The following PCDHAC1 variants were observed in gnomAD, a reference collection of about 807,000 sequenced individuals.
PCDHAC1 encodes the protein protocadherin alpha subfamily C, 1.
PCDHAC1 carries 42 observed loss-of-function variants against 60.0 expected under a neutral mutation model. The observed-to-expected ratio is 0.70, with a 90% CI of 0.55 to 0.90. PCDHAC1 has a LOEUF of 0.90. PCDHAC1 is among the 40% of genes least tolerant of loss of function. The pLI is 0.00. For missense variants in PCDHAC1, 1,160 were observed against 1,222.3 expected, an observed-to-expected ratio of 0.95 and a Z score of 0.76; for synonymous variants, 468 against 499.3, an observed-to-expected ratio of 0.94 and a Z score of 0.84.
intron 1 of PCDHAC1, chr5:140,968,356 C>T (rs1586289885): frequency 1.2e-6 from 2 of 1,614,062 alleles, no homozygotes; most frequent in Non-Finnish European, 1.7e-6. Context: ...CCAGTGGCAG[C>T]CTTTATGCTG....
chr5:140,941,191 T>TTTC (rs1487503403), intron 1 of PCDHAC1, among the ~76,000 whole-genome samples: 199 of 93,252 alleles, frequency 2.1e-3, no homozygotes, highest in Middle Eastern at 0.015. Flanking sequence ...GCTTCTTTTT[T>TTTC]TTTCTTTCTT....
At chr5:140,981,191 G>A (rs2096922052) in intron 2 of PCDHAC1, among the ~76,000 whole-genome samples, 2 of 152,178 alleles carry the variant, frequency 1.3e-5, no homozygotes, top group South Asian at 4.1e-4. Context: ...AAGTTTGCCT[G>A]CTCTGTTGCC....
At chr5:140,949,009 G>A (rs1563235030) in intron 1 of PCDHAC1, among the ~76,000 whole-genome samples, 1 of 151,574 alleles carries the variant, frequency 6.6e-6, no homozygotes, top group Non-Finnish European at 1.5e-5. Context: ...ATTTTTATAT[G>A]TGATGTTTTT....
At chr5:140,968,036 A>T in intron 1 of PCDHAC1, 1 of 1,614,160 alleles carries the variant, frequency 6.2e-7, no homozygotes, top group Non-Finnish European at 8.5e-7. Context: ...ACTGGTGGTG[A>T]GCGGCCCACT....
chr5:140,972,505 T>C (rs2096539361), intron 1 of PCDHAC1, among the ~76,000 whole-genome samples: 1 of 152,100 alleles, frequency 6.6e-6, no homozygotes, highest in African/African-American at 2.4e-5. Flanking sequence ...GTTGGTAGAT[T>C]TTACCCCCAG....
intron 1 of PCDHAC1, chr5:140,966,657 G>A: frequency 1.7e-6 from 2 of 1,210,192 alleles, no homozygotes; most frequent in Admixed American, 3.9e-5. Context: ...TGAGCGGTGG[G>A]GGAGCAGGCG....
intron 1 of PCDHAC1, among the ~76,000 whole-genome samples, chr5:140,934,475 A>G (rs1554209923): frequency 6.6e-6 from 1 of 152,172 alleles, no homozygotes; most frequent in African/African-American, 2.4e-5. Context: ...ATTATTTTGA[A>G]AATTATATTC....
chr5:140,927,910 C>A lies in PCDHAC1; in HGVS notation c.1018C>A (p.Leu340Met), dbSNP rs782484227. 2.5e-6 allele frequency: 4 copies of A among 1,614,216 alleles called. No homozygotes were observed. In the South Asian group the frequency reaches 3.3e-5, roughly 13 times the overall value. The change falls in exon 1 of 4, where the codon CTG becomes ATG. Residue 340 changes from leucine to methionine, a missense_variant. Around this residue, in one of 3 missense-constraint regions of PCDHAC1, gnomAD observed 1,113 missense variants for 1,163.7 expected, o/e 0.96. Transcript: ENST00000253807. ...VTDVNDHAPE[L>M]DFLTLSNPVP... ...TGACGTGAACGATCATGCCCCCGAACTGGACTTCCTGACTCTTTCGAACCC... is the reference window on the plus strand; with the variant it reads ...TGACGTGAACGATCATGCCCCCGAAATGGACTTCCTGACTCTTTCGAACCC...
chr5:140,966,816 G>A lies in PCDHAC1; in HGVS notation c.2434-12133G>A, dbSNP rs1448171487. On this transcript the variant is annotated intron_variant, in intron 1 of 3. Transcript: ENST00000253807. ...GCGGCGACAGAGCATCCACGGCTCC[G>A]GCGGCCCATGCCCTGGCTGCTGCTA... 5.2e-6 allele frequency: 8 copies of A among 1,553,302 alleles called. No homozygotes were observed. The East Asian group carries it at 7.2e-5, about 14-fold the overall frequency.
chr5:140,931,914 A>G (rs1374173998), intron 1 of PCDHAC1, among the ~76,000 whole-genome samples: 2 of 151,960 alleles, frequency 1.3e-5, no homozygotes, highest in Non-Finnish European at 2.9e-5. Context: ...AAAGCATGAC[A>G]TTTAACAATG....
At chr5:140,950,082 A>G (rs2094448240) in intron 1 of PCDHAC1, among the ~76,000 whole-genome samples, 1 of 151,916 alleles carries the variant, frequency 6.6e-6, no homozygotes, top group South Asian at 2.1e-4. Flanking sequence ...TGCTTATGCT[A>G]TAGTTTTCAT....
At position 140,943,090 on chromosome 5, in the gene PCDHAC1, C is replaced by A. The variant is rs554425182; in HGVS notation, c.2433+13765C>A. On this transcript the variant is annotated intron_variant, in intron 1 of 3. Coordinates refer to ENST00000253807, the MANE Select transcript of PCDHAC1 (RefSeq NM_018898.5). The stretch of plus-strand genomic sequence containing the variant: ...TGACCAACATGGTGAAATCCTGCCT[C>A]TACTAAAAAATACAAAAATTAGCCA... Among the ~76,000 whole-genome samples the A allele has an allele frequency of 1.8e-4, 27 of 151,656 alleles. No homozygotes were observed. The South Asian group carries it at 2.5e-3, about 14-fold the overall frequency.
At chr5:140,989,598 T>C (rs369591964) in intron 3 of PCDHAC1, among the ~76,000 whole-genome samples, 431 of 152,260 alleles carry the variant, frequency 2.8e-3, no homozygotes, top group Middle Eastern at 6.8e-3. Flanking sequence ...CTGACACAAG[T>C]AAACTAAAAA....
intron 1 of PCDHAC1, chr5:140,968,908 A>G: frequency 6.2e-7 from 1 of 1,614,182 alleles, no homozygotes; most frequent in Non-Finnish European, 8.5e-7. Context: ...CATTAAGCAC[A>G]GTGTCTTTTA....
Position 140,961,691 on chromosome 5 carries a change from T to A in PCDHAC1, c.2434-17258T>A, listed in dbSNP as rs963909259. On this transcript the variant is annotated intron_variant, in intron 1 of 3. Transcript: ENST00000253807. Reference sequence around the variant, plus strand: ...GTTTTTAATTAAGCCGGAGTAGTCCTTAGTATGAATGCCTTCATTTCTAAG... The same window carrying A: ...GTTTTTAATTAAGCCGGAGTAGTCCATAGTATGAATGCCTTCATTTCTAAG... Among the ~76,000 whole-genome samples the A allele has an allele frequency of 2.0e-5, 3 of 152,340 alleles. No individual in the cohort carries two copies. In the East Asian group the frequency reaches 5.8e-4, roughly 29 times the overall value.
In PCDHAC1 at chr5:140,927,920, T is replaced by C. The variant is rs782193396; in HGVS notation, c.1028T>C (p.Leu343Pro). ...VNDHAPELDF[L>P]TLSNPVPEDA... is the part of the protein sequence containing the mutation. Reference sequence around the variant, plus strand: ...GATCATGCCCCCGAACTGGACTTCCTGACTCTTTCGAACCCAGTACCTGAG... The same window carrying C: ...GATCATGCCCCCGAACTGGACTTCCCGACTCTTTCGAACCCAGTACCTGAG... The change falls in exon 1 of 4, where the codon CTG becomes CCG. Residue 343 changes from leucine to proline, a missense_variant. Physicochemically the swap from Leu to Pro is moderately conservative, Grantham distance 98. Transcript: ENST00000253807. 6.2e-6 allele frequency: 10 copies of C among 1,614,120 alleles called. No individual in the cohort carries two copies. In the South Asian group the frequency reaches 1.1e-4, roughly 18 times the overall value.
intron 3 of PCDHAC1, among the ~76,000 whole-genome samples, chr5:140,989,478 G>A (rs1319813384): frequency 2.0e-5 from 3 of 152,204 alleles, no homozygotes; most frequent in Admixed American, 6.5e-5. Context: ...CTCCTGGGAG[G>A]TGCTTGAACA....
intron 3 of PCDHAC1, among the ~76,000 whole-genome samples, chr5:141,004,397 GA>G (rs2098164833): frequency 6.6e-6 from 1 of 152,188 alleles, no homozygotes; most frequent in African/African-American, 2.4e-5. Context: ...ACATGTGGAG[GA>G]GGCACCTGAC....
At chr5:140,992,251 A>G (rs1554252780) in intron 3 of PCDHAC1, among the ~76,000 whole-genome samples, 1 of 152,198 alleles carries the variant, frequency 6.6e-6, no homozygotes, top group Non-Finnish European at 1.5e-5. Flanking sequence ...AAGTAGAGCT[A>G]AAGATGAAAG....
Sources: allele counts gnomAD v4.1 joint callset (sites outside exome capture counted in the v4.1 genomes callset), GRCh38; gene constraint gnomAD v4.1.1; regional missense constraint gnomAD v4.1.1; transcripts MANE v1.5; gene names NCBI Gene and HGNC (gene_info 2026-07-23, HGNC 2026-07-21).